The following JCHAIN variants were observed in gnomAD, a reference collection of about 807,000 sequenced individuals.
JCHAIN encodes the protein immunoglobulin J chain.
A neutral mutation model predicts 11.1 loss-of-function variants in JCHAIN; 5 were observed. The observed-to-expected ratio is 0.45, with a 90% CI of 0.24 to 0.95. JCHAIN has a LOEUF of 0.95. Among genes scored for constraint, JCHAIN ranks in the 40% least tolerant of loss-of-function variants. The probability of loss-of-function intolerance (pLI) is 0.21; values close to 1 mark genes in which losing one functional copy is unlikely to be tolerated. For synonymous variants in JCHAIN, 51 were observed against 67.8 expected, an observed-to-expected ratio of 0.75 and a Z score of 1.22; for missense variants, 165 against 192.7, an observed-to-expected ratio of 0.86 and a Z score of 0.85.
Position 70,656,367 on chromosome 4 carries a change from C to A in JCHAIN, c.442G>T (p.Glu148Ter). ...LVYGGETKMV[E>*]TALTPDACYP... ...CAGGCATCTGGGGTTAAGGCTGTTT[C>A]CACCATTTTGGTCTCACCACCATAT... The change falls in exon 4 of 4, where the codon GAA (glutamate) becomes TAA (stop). Residue 148 changes from glutamate to a stop codon, truncating the protein, a stop_gained. Coordinates refer to ENST00000254801, the MANE Select transcript of JCHAIN (RefSeq NM_144646.4). LOFTEE classifies it high-confidence loss of function. The A allele has an allele frequency of 6.2e-7, 1 of 1,614,060 alleles. No homozygotes were observed. The highest frequency in any genetic ancestry group is 8.5e-7 in the Non-Finnish European group (1 of 1,179,924).
At chr4:70,659,549 CAAAAAA>C (rs35627461) in intron 2 of JCHAIN, among the ~76,000 whole-genome samples, 12 of 16,548 alleles carry the variant, frequency 7.3e-4, no homozygotes, top group Non-Finnish European at 7.6e-4. Context: ...GACTCTGTCT[CAAAAAA>C]AAAAAAAAAA....
rs1738938373 is a variant in JCHAIN at position 70,655,848 on chromosome 4, C to G, written c.*481G>C. On this transcript the variant is annotated 3_prime_UTR_variant, in exon 4 of 4. Transcript: ENST00000254801. Reference sequence around the variant, plus strand: ...TTTCTAATGGAGACATATAATTGACCTATGTTTATGCATATATGTTCTCTA... The same window carrying G: ...TTTCTAATGGAGACATATAATTGACGTATGTTTATGCATATATGTTCTCTA... 1 of 150,024 alleles carries G rather than the reference C, an allele frequency of 6.7e-6. No individual in the cohort carries two copies. Among genetic ancestry groups the G allele is most frequent in the Non-Finnish European group, 1.5e-5 (1 of 67,764 alleles). The allele number at this position is 150,024 out of a possible 1,614,324, so 9.3% of individuals were successfully genotyped here. A position where few individuals can be genotyped will look rare whatever the true frequency, so the allele number is the denominator to read the frequency against.
chr4:70,662,214 G>A lies in JCHAIN; in HGVS notation c.66C>T (p.Ala22=). Residue 22 remains alanine, a splice_region_variant and synonymous_variant, in exon 2 of 4, where the codon GCC becomes GCT. Transcript: ENST00000254801. ...CAAGAACAATCCTTTCATCTTCTTG[G>A]GCTTGAAAGGTAAACGTATTAAAAA... The part of the protein sequence containing the change: ...AVFIKAVHVK[A]QEDERIVLVD... 1 of 1,611,638 alleles carries A rather than the reference G, an allele frequency of 6.2e-7. No individual in the cohort carries two copies.
intron 1 of JCHAIN, 86 bp downstream of exon 1, chr4:70,666,341 G>T: frequency 1.1e-6 from 1 of 916,902 alleles, no homozygotes; most frequent in Non-Finnish European, 1.7e-6. Flanking sequence ...GCCAACCAAA[G>T]CATAGGCATA....
chr4:70,659,009 G>T (rs1739005714), intron 2 of JCHAIN, among the ~76,000 whole-genome samples: 1 of 152,136 alleles, frequency 6.6e-6, no homozygotes, highest in Non-Finnish European at 1.5e-5. Flanking sequence ...TTCGTTGAAT[G>T]AATGAATGAA....
chr4:70,662,914 G>A (rs1464648332), intron 1 of JCHAIN, among the ~76,000 whole-genome samples: 6 of 151,478 alleles, frequency 4.0e-5, no homozygotes, highest in East Asian at 1.9e-4. Context: ...AGCCAAGATC[G>A]TGCCACTGCA....
chr4:70,664,652 T>C (rs35358991), intron 1 of JCHAIN, among the ~76,000 whole-genome samples: 1,750 of 152,314 alleles, frequency 0.011, 38 homozygotes, highest in African/African-American at 0.04. Flanking sequence ...CATTAACATC[T>C]GAAAGAGGTA....
At position 70,656,435 on chromosome 4, in the gene JCHAIN, G is replaced by A. The variant is rs1738952214; in HGVS notation, c.374C>T (p.Thr125Ile). ...TGTGTAGCACTTGTTTCTGTCATAAGTGTAGCAGGTCTCTGTAGCACTGTC... is the reference window on the plus strand; with the variant it reads ...TGTGTAGCACTTGTTTCTGTCATAAATGTAGCAGGTCTCTGTAGCACTGTC... ...DEDSATETCYTYDRNKCYTAV... is the reference protein window; with the variant it reads ...DEDSATETCYIYDRNKCYTAV... The change falls in exon 4 of 4, where the codon ACT becomes ATT. Residue 125 changes from threonine (T) to isoleucine (I), a missense_variant. Coordinates refer to ENST00000254801, the MANE Select transcript of JCHAIN (RefSeq NM_144646.4). 6.2e-7 allele frequency: 1 copy of A among 1,613,898 alleles called. No homozygotes were observed. Among genetic ancestry groups the A allele is most frequent in the Non-Finnish European group, 8.5e-7 (1 of 1,179,770 alleles).
chr4:70,656,260 T>C lies in JCHAIN; in HGVS notation c.*69A>G. 8.8e-7 allele frequency: 1 copy of C among 1,136,360 alleles called. No homozygotes were observed. Among genetic ancestry groups the C allele is most frequent in the Non-Finnish European group, 1.3e-6 (1 of 774,416 alleles). 70.4% of individuals were successfully genotyped at this position (1,136,360 alleles called of 1,614,324 possible). The stretch of plus-strand genomic sequence containing the variant: ...GTTTCAAATTCATTGGTAATAAATA[T>C]GCTAACTTTCTGAATCAAAATGGAG... On this transcript the variant is annotated 3_prime_UTR_variant, in exon 4 of 4. Coordinates refer to ENST00000254801, the MANE Select transcript of JCHAIN (RefSeq NM_144646.4).
chr4:70,656,771 T>G (rs886690922), intron 3 of JCHAIN, among the ~76,000 whole-genome samples: 2 of 152,142 alleles, frequency 1.3e-5, no homozygotes, highest in Non-Finnish European at 2.9e-5. Context: ...AATATGATTG[T>G]TTTATCTACA....
intron 1 of JCHAIN, among the ~76,000 whole-genome samples, chr4:70,663,850 C>T (rs1739103893): frequency 6.6e-6 from 1 of 151,840 alleles, no homozygotes; most frequent in African/African-American, 2.4e-5. Context: ...CGTGAGCCAC[C>T]ACGCCTGGCA....
intron 1 of JCHAIN, among the ~76,000 whole-genome samples, chr4:70,663,950 C>T (rs1446951149): frequency 1.3e-5 from 2 of 150,864 alleles, no homozygotes; most frequent in African/African-American, 4.9e-5. Flanking sequence ...TGATGTTGGC[C>T]GGGTGCAGTG....
chr4:70,659,511 C>A, intron 2 of JCHAIN, among the ~76,000 whole-genome samples: 1 of 124,624 alleles, frequency 8.0e-6, no homozygotes, highest in African/African-American at 3.1e-5. Flanking sequence ...GATCATGCTA[C>A]TGCACTCCAG....
At chr4:70,664,530 TACTTTATAATGCATTATTATA>T (rs1188144553) in intron 1 of JCHAIN, among the ~76,000 whole-genome samples, 2 of 152,212 alleles carry the variant, frequency 1.3e-5, no homozygotes, top group African/African-American at 4.8e-5. Context: ...TTGTTTGAAG[TACTTTATAATGCATTATTATA>T]CCATTATTCA....
At chr4:70,661,065 C>A (rs900805116) in intron 2 of JCHAIN, among the ~76,000 whole-genome samples, 1 of 152,174 alleles carries the variant, frequency 6.6e-6, no homozygotes, top group Admixed American at 6.5e-5. Context: ...CCAGACAGAA[C>A]TTAAAACAAA....
rs188743793 is a variant in JCHAIN at position 70,662,206 on chromosome 4, T to C, written c.74A>G (p.Asp25Gly). The change falls in exon 2 of 4, where the codon GAT becomes GGT. Residue 25 changes from aspartate to glycine, a missense_variant. Physicochemically the swap from Asp to Gly is moderately conservative, Grantham distance 94. Coordinates refer to ENST00000254801, the MANE Select transcript of JCHAIN (RefSeq NM_144646.4). ...IKAVHVKAQE[D>G]ERIVLVDNKC... ...GTTGTCAACAAGAACAATCCTTTCA[T>C]CTTCTTGGGCTTGAAAGGTAAACGT... is the stretch of plus-strand genomic sequence containing the variant. 83 of 1,613,248 alleles carry C rather than the reference T, an allele frequency of 5.1e-5. No homozygotes were observed. In the African/African-American group the frequency reaches 1.0e-3, roughly 20 times the overall value.
chr4:70,656,644 C>T, intron 3 of JCHAIN, 105 bp from the exon 4 acceptor site: 1 of 781,614 alleles, frequency 1.3e-6, no homozygotes, highest in Non-Finnish European at 2.2e-6. Context: ...TCTGACATGA[C>T]AGCAAGGGAT....
rs1303597878 is a variant in JCHAIN, at chr4:70,656,307, A to G, written c.*22T>C. ...GGAGAGCCTCTCAAGAAAAAGAGCT[A>G]TGCAGTCAGCAATGACTTAAATTAG... On this transcript the variant is annotated 3_prime_UTR_variant, in exon 4 of 4. Coordinates refer to ENST00000254801, the MANE Select transcript of JCHAIN (RefSeq NM_144646.4). The G allele has an allele frequency of 6.6e-7, 1 of 1,522,184 alleles. No individual in the cohort carries two copies. The highest frequency in any genetic ancestry group is 1.7e-5 in the Admixed American group (1 of 59,824). 94.3% of individuals were successfully genotyped at this position (1,522,184 alleles called of 1,614,324 possible).
chr4:70,656,072 A>G lies in JCHAIN; in HGVS notation c.*257T>C, dbSNP rs1738944927. ...CTAGAAACTGTATTCCTAAGAGAGC[A>G]TACCTCTTTCAGGTGAGCATGATAA... On this transcript the variant is annotated 3_prime_UTR_variant, in exon 4 of 4. Coordinates refer to ENST00000254801, the MANE Select transcript of JCHAIN (RefSeq NM_144646.4). 2 of 406,884 alleles carry G rather than the reference A, an allele frequency of 4.9e-6. No homozygotes were observed. The highest frequency in any genetic ancestry group is 8.2e-5 in the Admixed American group (2 of 24,366). 25.2% of individuals were successfully genotyped at this position (406,884 alleles called of 1,614,324 possible).
Sources: gnomAD v4.1 joint callset for allele counts (sites outside exome capture counted in the v4.1 genomes callset) on GRCh38, gnomAD v4.1.1 for gene constraint, MANE v1.5 for transcripts, NCBI Gene and HGNC (gene_info 2026-07-23, HGNC 2026-07-21) for gene names.